The following SNX8 variants were observed in gnomAD, a reference collection of about 807,000 sequenced individuals.
The protein encoded by SNX8 is sorting nexin-8.
Under a neutral mutation model 51.6 loss-of-function variants are expected in SNX8, and 25 were observed. That is an observed-to-expected ratio of 0.48 (90% CI 0.35 to 0.68). The LOEUF (loss-of-function observed/expected upper bound fraction) is 0.68, where lower values mean the gene tolerates loss of function less well. Among genes scored for constraint, SNX8 ranks in the 30% least tolerant of loss-of-function variants. The pLI, the probability that SNX8 is intolerant of heterozygous loss-of-function variation, is 0.00. For synonymous variants in SNX8, 324 were observed against 277.0 expected (o/e 1.17, Z -1.68); for missense variants, 695 against 624.0 (o/e 1.11, Z -1.21).
At chr7:2,309,560 C>G (rs182127745) in intron 1 of SNX8, among the ~76,000 whole-genome samples, 36 of 151,934 alleles carry the variant, frequency 2.4e-4, no homozygotes, top group African/African-American at 7.7e-4. Flanking sequence ...GGAGAAACCC[C>G]GTCTCTACTG....
chr7:2,315,950 CCACT>C (rs548074132), upstream of SNX8, among the ~76,000 whole-genome samples: 10 of 144,668 alleles, frequency 6.9e-5, no homozygotes, highest in South Asian at 2.3e-4. Context: ...ATTCATTCAT[CCACT>C]CACTCACTCA....
Position 2,314,410 on chromosome 7 carries a change from G to C in SNX8, c.12C>G (p.Arg4=), listed in dbSNP as rs1405087857. 2.5e-6 allele frequency: 3 copies of C among 1,217,720 alleles called. No individual in the cohort carries two copies. Among genetic ancestry groups the C allele is most frequent in the Non-Finnish European group, 1.0e-6 (1 of 978,752 alleles). The allele number at this position is 1,217,720 out of a possible 1,614,324, so 75.4% of individuals were successfully genotyped here. A position where few individuals can be genotyped will look rare whatever the true frequency, so the allele number is the denominator to read the frequency against. ...CAGCCGCGGGCAGCGGGTCCATCGC[G>C]CGGCCAGTCATGTGAGCCCGCGCTC... MTG[R]AMDPLPAAAV... is the part of the protein sequence containing the mutation. Residue 4 remains arginine, a synonymous_variant, in exon 1 of 11, where the codon CGC becomes CGG. Transcript: ENST00000222990.
At chr7:2,292,911 T>A (rs528282612) in intron 1 of SNX8, among the ~76,000 whole-genome samples, 14 of 152,078 alleles carry the variant, frequency 9.2e-5, no homozygotes, top group African/African-American at 2.9e-4. Flanking sequence ...TAGTCCCAGC[T>A]ACCCAAGAAG....
At chr7:2,261,617 C>T (rs984410758) in intron 7 of SNX8, among the ~76,000 whole-genome samples, 9 of 152,182 alleles carry the variant, frequency 5.9e-5, no homozygotes, top group African/African-American at 9.7e-5. Flanking sequence ...CCCAGCCCCA[C>T]GTTCTCGGTC....
At chr7:2,342,656 A>C (rs369096457) in intron 1 of SNX8, among the ~76,000 whole-genome samples, 1,474 of 139,636 alleles carry the variant, frequency 0.011, 21 homozygotes, top group African/African-American at 0.038. Context: ...TCCATCTCCC[A>C]AAAAAAAAAA....
At chr7:2,316,553 CCACT>C (rs1387649846), upstream of SNX8, among the ~76,000 whole-genome samples, 3 of 145,348 alleles carry the variant, frequency 2.1e-5, no homozygotes, top group East Asian at 2.1e-4. Flanking sequence ...ATTCACACAA[CCACT>C]CACTCACTGC....
intron 1 of SNX8, among the ~76,000 whole-genome samples, chr7:2,323,349 A>AAAAC (rs1562457857): frequency 6.9e-6 from 1 of 145,600 alleles, no homozygotes; most frequent in African/African-American, 2.6e-5. Flanking sequence ...AAAAAAAAAA[A>AAAAC]CAACCAAACA....
At chr7:2,351,024 C>T (rs1468464879) in intron 1 of SNX8, among the ~76,000 whole-genome samples, 3 of 151,936 alleles carry the variant, frequency 2.0e-5, no homozygotes, top group Non-Finnish European at 2.9e-5. Context: ...GAGGAGGCGG[C>T]GGGAGGATCA....
chr7:2,336,332 G>A (rs1046044874), intron 1 of SNX8, among the ~76,000 whole-genome samples: 5 of 151,532 alleles, frequency 3.3e-5, no homozygotes, highest in Non-Finnish European at 5.9e-5. Context: ...ACTGGGTGGC[G>A]GAGTTTGCAG....
chr7:2,281,152 C>A (rs1795897627), intron 1 of SNX8, among the ~76,000 whole-genome samples: 1 of 152,074 alleles, frequency 6.6e-6, no homozygotes, highest in African/African-American at 2.4e-5. Context: ...AGACCAGGTA[C>A]TATGGCTAGC....
At chr7:2,330,815 C>T (rs894471079) in intron 1 of SNX8, among the ~76,000 whole-genome samples, 2 of 152,006 alleles carry the variant, frequency 1.3e-5, no homozygotes, top group Non-Finnish European at 2.9e-5. Flanking sequence ...CCTAAAACAA[C>T]AGTGAAGCAA....
intron 5 of SNX8, among the ~76,000 whole-genome samples, chr7:2,268,975 C>A (rs1795569932): frequency 7.2e-6 from 1 of 138,748 alleles, no homozygotes. Context: ...CCCGGCCACC[C>A]CTACTGGGAA....
At chr7:2,331,184 C>CAAA (rs71023397) in intron 1 of SNX8, among the ~76,000 whole-genome samples, 11 of 76,640 alleles carry the variant, frequency 1.4e-4, no homozygotes, top group Non-Finnish European at 1.9e-4. Context: ...GACTCTGTCT[C>CAAA]AAAAAAAAAA....
At chr7:2,268,516 C>A (rs1416631425) in intron 5 of SNX8, among the ~76,000 whole-genome samples, 2 of 144,920 alleles carry the variant, frequency 1.4e-5, no homozygotes, top group Non-Finnish European at 3.1e-5. Context: ...TCAGCCCCCC[C>A]GCCCGGCCAG....
At chr7:2,291,369 G>A (rs577362492) in intron 1 of SNX8, among the ~76,000 whole-genome samples, 10 of 152,028 alleles carry the variant, frequency 6.6e-5, no homozygotes, top group South Asian at 6.2e-4. Flanking sequence ...AGGCCAAGGC[G>A]GGCAGATCAC....
chr7:2,257,696 G>A (rs1052722183), intron 8 of SNX8, 39 bp downstream of exon 8: 2 of 1,604,756 alleles, frequency 1.2e-6, no homozygotes, highest in Admixed American at 1.7e-5. Flanking sequence ...GATCATTCCT[G>A]AAAGTTCTGC....
intron 1 of SNX8, among the ~76,000 whole-genome samples, chr7:2,283,444 T>C (rs774717199): frequency 5.9e-5 from 9 of 152,228 alleles, no homozygotes; most frequent in Non-Finnish European, 8.8e-5. Flanking sequence ...CCCGTGCCGA[T>C]GGAGAGGCCT....
chr7:2,320,322 C>T (rs1796813351), intron 1 of SNX8, among the ~76,000 whole-genome samples: 1 of 152,060 alleles, frequency 6.6e-6, no homozygotes. Context: ...TAAAGTTCCT[C>T]AGATAATTCA....
intron 3 of SNX8, among the ~76,000 whole-genome samples, chr7:2,273,507 A>T (rs536860471): frequency 2.0e-5 from 3 of 150,440 alleles, no homozygotes; most frequent in Non-Finnish European, 4.4e-5. Flanking sequence ...AATGGCGTGA[A>T]CCCGGCAGGC....
Sources: allele counts gnomAD v4.1 joint callset (sites outside exome capture counted in the v4.1 genomes callset), GRCh38; gene constraint gnomAD v4.1.1; transcripts MANE v1.5; gene names NCBI Gene and HGNC (gene_info 2026-07-23, HGNC 2026-07-21).